The following SIPA1L3 variants were observed in gnomAD, a reference collection of about 807,000 sequenced individuals.
SIPA1L3 encodes signal induced proliferation associated 1 like 3.
A neutral mutation model predicts 150.1 loss-of-function variants in SIPA1L3; 59 were observed. The observed-to-expected ratio is 0.39, with a 90% CI of 0.32 to 0.49. The LOEUF (loss-of-function observed/expected upper bound fraction) is 0.49. SIPA1L3 is among the 20% of genes least tolerant of loss of function. The pLI is 0.86. For synonymous variants in SIPA1L3, 1,070 were observed against 1,077.6 expected, an observed-to-expected ratio of 0.99 and a Z score of 0.14; for missense variants, 2,211 against 2,489.5, an observed-to-expected ratio of 0.89 and a Z score of 2.38.
chr19:38,141,453 G>C lies in SIPA1L3; in HGVS notation c.3395+18G>C, dbSNP rs1403850326. The stretch of plus-strand genomic sequence containing the variant: ...AGCAAGAGGTAAGCACCTGCTGGGG[G>C]GACCAATACTTCCCAACCCCCACCA... On this transcript the variant is annotated intron_variant, in intron 11 of 21. Coordinates refer to ENST00000222345, the MANE Select transcript of SIPA1L3 (RefSeq NM_015073.3). 1.9e-6 allele frequency: 3 copies of C among 1,598,610 alleles called. No individual in the cohort carries two copies. In the Admixed American group the frequency reaches 5.0e-5, roughly 27 times the overall value.
chr19:38,120,068 G>A (rs1970982297), intron 9 of SIPA1L3, among the ~76,000 whole-genome samples, 186 bp downstream of exon 9: 1 of 152,158 alleles, frequency 6.6e-6, no homozygotes, highest in Non-Finnish European at 1.5e-5. Context: ...TGGAAGGTTT[G>A]TGCCAGAGAT....
intron 1 of SIPA1L3, among the ~76,000 whole-genome samples, chr19:37,960,851 G>C (rs1326281048): frequency 2.7e-5 from 4 of 150,710 alleles, no homozygotes; most frequent in Admixed American, 2.6e-4. Context: ...ACTGCACCCA[G>C]CCAATTTTAA....
intron 3 of SIPA1L3, among the ~76,000 whole-genome samples, chr19:38,086,011 A>G (rs1970122096): frequency 6.6e-6 from 1 of 151,568 alleles, no homozygotes; most frequent in Non-Finnish European, 1.5e-5. Flanking sequence ...CCAAAACAAA[A>G]CAAAAAAAAA....
intron 1 of SIPA1L3, among the ~76,000 whole-genome samples, chr19:37,910,668 G>A (rs1321543687): frequency 6.6e-6 from 1 of 152,050 alleles, no homozygotes; most frequent in Non-Finnish European, 1.5e-5. Context: ...GCAGTGGCAC[G>A]ATCTCAGCTC....
chr19:38,000,983 C>T (rs201424342), intron 1 of SIPA1L3, among the ~76,000 whole-genome samples: 2 of 145,300 alleles, frequency 1.4e-5, no homozygotes, highest in Admixed American at 7.0e-5. Context: ...ATATATAACA[C>T]ACATATATAT....
chr19:38,137,376 A>T (rs776092401), intron 10 of SIPA1L3, among the ~76,000 whole-genome samples: 46 of 152,006 alleles, frequency 3.0e-4, no homozygotes, highest in Non-Finnish European at 6.3e-4. Flanking sequence ...TTTAGTAGAG[A>T]TGGGGTTTCA....
chr19:38,163,190 T>G (rs546299668), intron 14 of SIPA1L3, among the ~76,000 whole-genome samples: 1 of 152,160 alleles, frequency 6.6e-6, no homozygotes, highest in Admixed American at 6.5e-5. Flanking sequence ...ACAGATCTGT[T>G]GTATAAGAAA....
intron 18 of SIPA1L3, among the ~76,000 whole-genome samples, chr19:38,194,872 G>A (rs1389237519): frequency 6.6e-6 from 1 of 152,180 alleles, no homozygotes; most frequent in Admixed American, 6.5e-5. Context: ...CCAATGTGGT[G>A]AAACCCCGTC....
chr19:38,161,032 A>T (rs1346044229), intron 13 of SIPA1L3, among the ~76,000 whole-genome samples: 1 of 152,134 alleles, frequency 6.6e-6, no homozygotes, highest in Non-Finnish European at 1.5e-5. Context: ...GTTTATTATT[A>T]TTCCATTTTT....
chr19:38,192,066 GC>G, intron 16 of SIPA1L3, 78 bp from the exon 17 acceptor site: 1 of 1,369,838 alleles, frequency 7.3e-7, no homozygotes, highest in Non-Finnish European at 1.0e-6. Flanking sequence ...GTGGTGGCCG[GC>G]CCTCTTGAAT....
intron 8 of SIPA1L3, among the ~76,000 whole-genome samples, chr19:38,111,325 C>T (rs145050680): frequency 1.3e-5 from 2 of 152,292 alleles, no homozygotes; most frequent in Non-Finnish European, 2.9e-5. Flanking sequence ...AGCCACCGCA[C>T]ACAGCTGAGA....
intron 1 of SIPA1L3, among the ~76,000 whole-genome samples, chr19:38,000,672 G>T (rs1967761700): frequency 2.1e-5 from 1 of 48,022 alleles, no homozygotes; most frequent in Non-Finnish European, 3.4e-5. Flanking sequence ...AGGGGCAAAA[G>T]ACTTTTTTTT....
chr19:38,140,169 TC>T (rs1402499552), intron 10 of SIPA1L3, among the ~76,000 whole-genome samples: 2 of 152,210 alleles, frequency 1.3e-5, no homozygotes, highest in Admixed American at 1.3e-4. Context: ...TATGGGCACT[TC>T]CAGGCTGAAG....
At chr19:37,953,662 A>G (rs2042838373) in intron 1 of SIPA1L3, among the ~76,000 whole-genome samples, 1 of 152,218 alleles carries the variant, frequency 6.6e-6, no homozygotes, top group Admixed American at 6.5e-5. Flanking sequence ...TCCCTTTTCA[A>G]ATCTTCCCTT....
chr19:38,113,936 C>T (rs1334360201), intron 8 of SIPA1L3, among the ~76,000 whole-genome samples: 1 of 152,058 alleles, frequency 6.6e-6, no homozygotes, highest in Non-Finnish European at 1.5e-5. Flanking sequence ...TCCGAATGGC[C>T]ACCCGCATCA....
rs572307198 is a variant in SIPA1L3, at chr19:38,141,576, C to T, written c.3395+141C>T. 6.6e-6 allele frequency: 6 copies of T among 913,388 alleles called. No individual in the cohort carries two copies. In the South Asian group the frequency reaches 6.9e-5, roughly 10 times the overall value. 56.6% of individuals were successfully genotyped at this position (913,388 alleles called of 1,614,324 possible). On this transcript the variant is annotated intron_variant, in intron 11 of 21. Transcript: ENST00000222345. ...CCTTCCTTCTTATCCTTATGTCTCCCTTGTTCCTCCCTCCCTCCTTCGTTT... is the reference window on the plus strand; with the variant it reads ...CCTTCCTTCTTATCCTTATGTCTCCTTTGTTCCTCCCTCCCTCCTTCGTTT...
intron 15 of SIPA1L3, among the ~76,000 whole-genome samples, chr19:38,178,370 A>G (rs892384509): frequency 1.4e-4 from 21 of 151,948 alleles, no homozygotes; most frequent in Non-Finnish European, 2.4e-4. Context: ...CCTGGGCTCC[A>G]GCAGTTCTCC....
chr19:38,073,857 C>G (rs938872163), intron 2 of SIPA1L3, among the ~76,000 whole-genome samples: 1 of 152,196 alleles, frequency 6.6e-6, no homozygotes, highest in African/African-American at 2.4e-5. Flanking sequence ...CCGACCAAGC[C>G]CACGTCCTGT....
At chr19:38,072,756 A>C (rs1969751412) in intron 2 of SIPA1L3, among the ~76,000 whole-genome samples, 1 of 152,238 alleles carries the variant, frequency 6.6e-6, no homozygotes, top group African/African-American at 2.4e-5. Flanking sequence ...CTGTTGGAAA[A>C]AGGAGTCCTG....
Sources: allele counts gnomAD v4.1 joint callset (sites outside exome capture counted in the v4.1 genomes callset), GRCh38; gene constraint gnomAD v4.1.1; transcripts MANE v1.5; gene names NCBI Gene and HGNC (gene_info 2026-07-23, HGNC 2026-07-21).